The following FRMPD4 variants were observed in gnomAD, a reference collection of about 807,000 sequenced individuals.
The protein encoded by FRMPD4 is FERM and PDZ domain containing 4, also known as FERM and PDZ domain-containing protein 4.
FRMPD4 carries 22 observed loss-of-function variants against 94.1 expected under a neutral mutation model. That is an observed-to-expected ratio of 0.23 (90% CI 0.17 to 0.33). The LOEUF is 0.33. FRMPD4 is among the 10% of genes least tolerant of loss of function. The probability of loss-of-function intolerance (pLI) is 1.00; values close to 1 mark genes in which losing one functional copy is unlikely to be tolerated. For synonymous variants in FRMPD4, 631 were observed against 548.6 expected (o/e 1.15, Z -2.10); for missense variants, 1,111 against 1,339.9 (o/e 0.83, Z 2.67).
chrX:12,444,357 G>A (rs2057171770), intron 1 of FRMPD4, among the ~76,000 whole-genome samples: 1 of 111,563 alleles, frequency 9.0e-6, no homozygotes, highest in South Asian at 3.8e-4. Context: ...AATAAAGGGG[G>A]TGGTAAGCTC....
intron 1 of FRMPD4, among the ~76,000 whole-genome samples, chrX:12,468,301 A>C (rs1042690080): frequency 1.8e-5 from 2 of 112,437 alleles, no homozygotes; most frequent in African/African-American, 6.5e-5. Context: ...ATGGTGTCAA[A>C]GAGCTAGAAC....
intron 3 of FRMPD4, among the ~76,000 whole-genome samples, chrX:12,083,345 A>G (rs1333372276): frequency 8.8e-6 from 1 of 113,081 alleles, no homozygotes. Flanking sequence ...TTGAGCTTGC[A>G]GGTACACAGA....
intron 1 of FRMPD4, among the ~76,000 whole-genome samples, chrX:12,459,494 A>T (rs1001765341): frequency 4.5e-5 from 5 of 111,462 alleles, no homozygotes; most frequent in African/African-American, 1.6e-4. Context: ...CTGGCCCCAG[A>T]TATCCACTAA....
At chrX:12,020,473 C>A (rs2054626777) in intron 3 of FRMPD4, among the ~76,000 whole-genome samples, 1 of 111,622 alleles carries the variant, frequency 9.0e-6, no homozygotes, top group Non-Finnish European at 1.9e-5. Flanking sequence ...GCTTCCAGGA[C>A]TGCCCCAGGG....
rs909550682 is a variant in FRMPD4, at chrX:12,679,775, G to C, written c.469-3708G>C. 1.7e-4 allele frequency among the ~76,000 whole-genome samples: 19 copies of C among 111,980 alleles called. 1 individual carries two copies. Among genetic ancestry groups the C allele is most frequent in the Admixed American group, 1.3e-3 (14 of 10,632 alleles). On this transcript the variant is annotated intron_variant, in intron 5 of 16. Transcript: ENST00000675598. ...GGCATGTGGTCTACCTTGTTTCCCA[G>C]AGGTTCCCAGCAGGAGTAAGCTCCA...
chrX:11,843,217 T>G (rs6640791), intron 1 of FRMPD4, among the ~76,000 whole-genome samples: 14,492 of 111,647 alleles, frequency 0.13, 1,145 homozygotes, highest in African/African-American at 0.28. Context: ...TTTTGTTAAG[T>G]ATTCTTGCAT....
chrX:12,220,033 C>T (rs934460756), intron 1 of FRMPD4, among the ~76,000 whole-genome samples: 3 of 111,424 alleles, frequency 2.7e-5, no homozygotes, highest in Admixed American at 9.5e-5. Flanking sequence ...CCCAGCTACT[C>T]GGGAGGCTGA....
At chrX:12,466,713 C>T (rs755373858) in intron 1 of FRMPD4, among the ~76,000 whole-genome samples, 2 of 112,078 alleles carry the variant, frequency 1.8e-5, no homozygotes, top group African/African-American at 3.2e-5. Flanking sequence ...ACAGAAAAGA[C>T]GTTCTTCTGC....
intron 1 of FRMPD4, among the ~76,000 whole-genome samples, chrX:12,171,420 G>T (rs1000083622): frequency 5.4e-5 from 6 of 111,968 alleles, no homozygotes; most frequent in Non-Finnish European, 9.4e-5. Context: ...CTCATCCTTT[G>T]CTTTTCTGAG....
chrX:11,823,293 T>C (rs780944052), intron 1 of FRMPD4, among the ~76,000 whole-genome samples: 2 of 109,108 alleles, frequency 1.8e-5, no homozygotes, highest in Admixed American at 9.9e-5. Flanking sequence ...TTTATGATAA[T>C]ATAATAATAA....
intron 5 of FRMPD4, among the ~76,000 whole-genome samples, chrX:12,675,484 A>G (rs904980712): frequency 2.3e-4 from 25 of 109,611 alleles, no homozygotes; most frequent in African/African-American, 8.3e-4. Context: ...AAATTCATCC[A>G]TTTTCAGTGT....
chrX:11,955,477 T>C (rs1454413968), intron 3 of FRMPD4, among the ~76,000 whole-genome samples: 1 of 100,529 alleles, frequency 9.9e-6, no homozygotes, highest in Non-Finnish European at 1.9e-5. Flanking sequence ...GTTAAATAAA[T>C]AAATAAATGT....
At chrX:12,470,067 G>A in intron 1 of FRMPD4, among the ~76,000 whole-genome samples, 1 of 112,215 alleles carries the variant, frequency 8.9e-6, no homozygotes, top group Non-Finnish European at 1.9e-5. Context: ...TAAAGGGAAA[G>A]CTGTGACCCC....
At chrX:12,296,622 AGCCCTTT>A (rs2054776124) in intron 1 of FRMPD4, among the ~76,000 whole-genome samples, 6 of 112,135 alleles carry the variant, frequency 5.4e-5, no homozygotes, top group Admixed American at 1.9e-4. Flanking sequence ...TCAGGTTCAT[AGCCCTTT>A]GCCTTCATCT....
intron 2 of FRMPD4, among the ~76,000 whole-genome samples, chrX:12,566,154 T>C (rs1360357031): frequency 8.9e-6 from 1 of 111,747 alleles, no homozygotes; most frequent in Non-Finnish European, 1.9e-5. Flanking sequence ...CTACAGAATG[T>C]CTGGCTACAG....
chrX:12,394,018 C>T, intron 1 of FRMPD4, among the ~76,000 whole-genome samples: 1 of 110,580 alleles, frequency 9.0e-6, no homozygotes. Context: ...TCATATAAAC[C>T]ATATGGTGAT....
At chrX:12,079,319 G>A (rs370482259) in intron 3 of FRMPD4, among the ~76,000 whole-genome samples, 1 of 109,793 alleles carries the variant, frequency 9.1e-6, no homozygotes, top group Admixed American at 9.8e-5. Context: ...CACCAACAAT[G>A]TACCTAGTAG....
At chrX:12,476,944 A>T (rs2057608126) in intron 1 of FRMPD4, among the ~76,000 whole-genome samples, 2 of 111,076 alleles carry the variant, frequency 1.8e-5, no homozygotes, top group Admixed American at 1.9e-4. Context: ...ATACCATTTG[A>T]CCCAGCCTGG....
intron 3 of FRMPD4, among the ~76,000 whole-genome samples, chrX:11,932,566 C>T (rs184948358): frequency 2.6e-3 from 291 of 110,903 alleles, no homozygotes; most frequent in African/African-American, 9.2e-3. Flanking sequence ...AGAGATTAGT[C>T]AGCTGTCCAA....
Sources: gnomAD v4.1 joint callset for allele counts (sites outside exome capture counted in the v4.1 genomes callset) on GRCh38, gnomAD v4.1.1 for gene constraint, MANE v1.5 for transcripts, NCBI Gene and HGNC (gene_info 2026-07-23, HGNC 2026-07-21) for gene names.